ELAVL2: variants seen among roughly 807,000 people sequenced by gnomAD.
The protein encoded by ELAVL2 is ELAV like RNA binding protein 2, also known as ELAV-like protein 2.
ELAVL2 carries 4 observed loss-of-function variants against 34.6 expected under a neutral mutation model. The observed-to-expected ratio is 0.12, with a 90% confidence interval of 0.06 to 0.26. The LOEUF (loss-of-function observed/expected upper bound fraction) is 0.26. Among genes scored for constraint, ELAVL2 ranks in the 10% least tolerant of loss-of-function variants. The pLI, the probability that ELAVL2 is intolerant of heterozygous loss-of-function variation, is 1.00. For synonymous variants in ELAVL2, 193 were observed against 154.8 expected (o/e 1.25, Z -1.83); for missense variants, 432 against 442.8 (o/e 0.98, Z 0.22).
chr9:23,764,966 T>TA (rs3838725), intron 1 of ELAVL2: 52,237 of 1,584,742 alleles, frequency 0.033, 919 homozygotes, highest in East Asian at 0.073. Flanking sequence ...TCCAACATGC[T>TA]AAAAAAAAGT....
chr9:23,694,000 G>A (rs939006575), intron 5 of ELAVL2, among the ~76,000 whole-genome samples: 3 of 152,144 alleles, frequency 2.0e-5, no homozygotes, highest in Non-Finnish European at 4.4e-5. Context: ...ACTTTGAAGG[G>A]CTTTCATCTT....
chr9:23,787,918 A>C (rs945890623), intron 1 of ELAVL2, among the ~76,000 whole-genome samples: 1 of 152,192 alleles, frequency 6.6e-6, no homozygotes, highest in Non-Finnish European at 1.5e-5. Context: ...AGAAGTTCAA[A>C]AACAGTGGAG....
the ELAVL2 span, among the ~76,000 whole-genome samples, chr9:23,845,891 ATCATTT>A: frequency 6.6e-6 from 1 of 151,864 alleles, no homozygotes; most frequent in Admixed American, 6.6e-5. Flanking sequence ...TCTGAGTGCT[ATCATTT>A]CTTCTCAGGT....
chr9:23,737,919 G>A (rs541264206), intron 2 of ELAVL2, among the ~76,000 whole-genome samples: 2 of 152,006 alleles, frequency 1.3e-5, no homozygotes, highest in South Asian at 2.1e-4. Flanking sequence ...ATGCCTTAAC[G>A]ACAAAAAAAA....
chr9:23,782,620 T>C (rs1158310060), intron 1 of ELAVL2, among the ~76,000 whole-genome samples: 1 of 151,954 alleles, frequency 6.6e-6, no homozygotes, highest in East Asian at 1.9e-4. Context: ...CAAAAAACCA[T>C]GCAAGAGCTT....
At chr9:23,720,723 CTAT>C (rs968446439) in intron 3 of ELAVL2, among the ~76,000 whole-genome samples, 83 of 150,946 alleles carry the variant, frequency 5.5e-4, no homozygotes, top group African/African-American at 2.0e-3. Context: ...AATGAAAATC[CTAT>C]TTTTTACAAG....
intron 2 of ELAVL2, among the ~76,000 whole-genome samples, chr9:23,761,456 G>C (rs958300958): frequency 1.3e-5 from 2 of 151,962 alleles, no homozygotes; most frequent in Admixed American, 1.3e-4. Flanking sequence ...TTTATAACAA[G>C]AAGGACAATC....
At chr9:23,699,635 A>G (rs1367612568) in intron 5 of ELAVL2, among the ~76,000 whole-genome samples, 8 of 152,020 alleles carry the variant, frequency 5.3e-5, no homozygotes, top group African/African-American at 1.9e-4. Context: ...AATTTAAAAA[A>G]GTATATTTAT....
chr9:23,747,459 A>T (rs947854248), intron 2 of ELAVL2, among the ~76,000 whole-genome samples: 2 of 152,218 alleles, frequency 1.3e-5, no homozygotes, highest in African/African-American at 4.8e-5. Flanking sequence ...TTCAACAGAT[A>T]GTCACCACTT....
intron 1 of ELAVL2, among the ~76,000 whole-genome samples, chr9:23,763,699 T>C (rs1486265555): frequency 6.6e-6 from 1 of 152,108 alleles, no homozygotes; most frequent in Non-Finnish European, 1.5e-5. Flanking sequence ...TGCCAGGAGA[T>C]GTTTACAAAA....
intron 1 of ELAVL2, among the ~76,000 whole-genome samples, chr9:23,822,643 T>A (rs916416807): frequency 6.6e-6 from 1 of 152,200 alleles, no homozygotes; most frequent in African/African-American, 2.4e-5. Context: ...GAGCACGTTT[T>A]TACACCTGCT....
At chr9:23,735,991 C>T (rs2047796120) in intron 2 of ELAVL2, among the ~76,000 whole-genome samples, 1 of 152,118 alleles carries the variant, frequency 6.6e-6, no homozygotes, top group Non-Finnish European at 1.5e-5. Context: ...ATCAGCTATT[C>T]CCCTGCCACC....
At chr9:23,702,751 T>C (rs182553327) in intron 4 of ELAVL2, among the ~76,000 whole-genome samples, 248 of 152,036 alleles carry the variant, frequency 1.6e-3, no homozygotes, top group Non-Finnish European at 2.7e-3. Context: ...TTGCACATTA[T>C]TACCACCTGA....
chr9:23,784,392 T>G (rs553348995), intron 1 of ELAVL2, among the ~76,000 whole-genome samples: 4 of 152,214 alleles, frequency 2.6e-5, no homozygotes, highest in Non-Finnish European at 5.9e-5. Flanking sequence ...AAAAGCCTTC[T>G]GCAGATTAAG....
At chr9:23,830,626 C>CACCTT (rs1491521757), upstream of ELAVL2, among the ~76,000 whole-genome samples, 2 of 72,550 alleles carry the variant, frequency 2.8e-5, no homozygotes, top group Non-Finnish European at 6.6e-5. Flanking sequence ...ACACACACAC[C>CACCTT]TTTTTTTTTT....
intron 1 of ELAVL2, among the ~76,000 whole-genome samples, chr9:23,787,286 T>A (rs1288908645): frequency 6.7e-6 from 1 of 150,222 alleles, no homozygotes; most frequent in Admixed American, 6.7e-5. Flanking sequence ...TGAGACGGAG[T>A]TTCGCTCTTG....
chr9:23,803,962 C>T (rs771732548), intron 1 of ELAVL2, among the ~76,000 whole-genome samples: 3 of 152,150 alleles, frequency 2.0e-5, no homozygotes, highest in Non-Finnish European at 2.9e-5. Flanking sequence ...CCATGCACAA[C>T]GCTCAGCTCA....
Position 23,690,212 on chromosome 9 carries a change from C to G in ELAVL2, c.*2345G>C, listed in dbSNP as rs570880254. 6.5e-6 allele frequency: 1 copy of G among 152,694 alleles called. No homozygotes were observed. Among genetic ancestry groups the G allele is most frequent in the South Asian group, 2.1e-4 (1 of 4,830 alleles). The allele number at this position is 152,694 out of a possible 1,614,324, so 9.5% of individuals were successfully genotyped here. ...TTAAATACTCAACAGAATATATTTT[C>G]TATTCCAACAGATGTGAATTAAGTC... is the stretch of plus-strand genomic sequence containing the variant. On this transcript the variant is annotated 3_prime_UTR_variant, in exon 7 of 7. Transcript: ENST00000397312.
chr9:23,741,101 C>T (rs889082772), intron 2 of ELAVL2, among the ~76,000 whole-genome samples: 15 of 152,082 alleles, frequency 9.9e-5, no homozygotes, highest in African/African-American at 3.6e-4. Flanking sequence ...CCAGGACCAG[C>T]TTGAAAAAGA....
Sources: allele counts gnomAD v4.1 joint callset (sites outside exome capture counted in the v4.1 genomes callset), GRCh38; gene constraint gnomAD v4.1.1; transcripts MANE v1.5; gene names NCBI Gene and HGNC (gene_info 2026-07-23, HGNC 2026-07-21).